Variants in GREB1L observed in about 807,000 individuals in gnomAD.
GREB1L encodes GREB1 like retinoic acid receptor coactivator, also known as GREB1-like protein.
A neutral mutation model predicts 200.8 loss-of-function variants in GREB1L; 17 were observed. That is an observed-to-expected ratio of 0.08 (90% CI 0.06 to 0.13). GREB1L has a LOEUF of 0.13. GREB1L is among the 10% of genes least tolerant of loss of function. The probability of loss-of-function intolerance (pLI) is 1.00; values close to 1 mark genes in which losing one functional copy is unlikely to be tolerated. For missense variants in GREB1L, 1,657 were observed against 2,367.7 expected (o/e 0.70, Z 6.23); for synonymous variants, 789 against 893.0 (o/e 0.88, Z 2.08).
At chr18:21,272,394 T>G (rs1414146747) in intron 1 of GREB1L, among the ~76,000 whole-genome samples, 3 of 152,202 alleles carry the variant, frequency 2.0e-5, no homozygotes, top group African/African-American at 7.2e-5. Flanking sequence ...GGGTTTGCTG[T>G]GCATCTAGCC....
chr18:21,516,778 A>G, intron 30 of GREB1L, 24 bp downstream of exon 30: 1 of 1,544,776 alleles, frequency 6.5e-7, no homozygotes, highest in Non-Finnish European at 8.8e-7. Flanking sequence ...GCTTGATTCA[A>G]GTGCTGAAAA....
At chr18:21,320,748 A>G (rs1290810102) in intron 1 of GREB1L, among the ~76,000 whole-genome samples, 3 of 151,806 alleles carry the variant, frequency 2.0e-5, no homozygotes, top group Non-Finnish European at 4.4e-5. Context: ...CCTGGGCAAC[A>G]GAACGAGACT....
intron 17 of GREB1L, among the ~76,000 whole-genome samples, chr18:21,481,439 A>ACG (rs2035911133): frequency 7.8e-6 from 1 of 127,500 alleles, no homozygotes; most frequent in Non-Finnish European, 1.7e-5. Context: ...GTATATATGT[A>ACG]TGTGTGTGTG....
At chr18:21,362,640 C>T (rs759672690) in intron 1 of GREB1L, among the ~76,000 whole-genome samples, 1 of 152,224 alleles carries the variant, frequency 6.6e-6, no homozygotes, top group Admixed American at 6.5e-5. Context: ...ATTCTAAAAA[C>T]GGGTTGTTAA....
chr18:21,479,184 G>C (rs1271422822), intron 17 of GREB1L, among the ~76,000 whole-genome samples: 1 of 151,686 alleles, frequency 6.6e-6, no homozygotes, highest in Non-Finnish European at 1.5e-5. Context: ...GCCCAGCCAA[G>C]ACTAATTAAT....
intron 31 of GREB1L, 72 bp from the exon 32 acceptor site, chr18:21,520,616 G>A (rs2037575133): frequency 6.8e-7 from 1 of 1,471,906 alleles, no homozygotes; most frequent in Admixed American, 2.0e-5. Context: ...AAGGTACTGA[G>A]TCATTCTGCT....
intron 2 of GREB1L, among the ~76,000 whole-genome samples, chr18:21,372,711 C>G (rs2039926356): frequency 6.6e-6 from 1 of 151,924 alleles, no homozygotes; most frequent in South Asian, 2.1e-4. Flanking sequence ...CACCTGAGGT[C>G]AGGAATTCAA....
At chr18:21,461,893 C>T (rs931844728) in intron 15 of GREB1L, among the ~76,000 whole-genome samples, 1 of 152,132 alleles carries the variant, frequency 6.6e-6, no homozygotes, top group Non-Finnish European at 1.5e-5. Context: ...CTGGTAAAAA[C>T]AAATTTAGTC....
At chr18:21,451,547 G>A (rs184266962) in intron 13 of GREB1L, among the ~76,000 whole-genome samples, 64 of 131,846 alleles carry the variant, frequency 4.9e-4, no homozygotes, top group African/African-American at 1.8e-3. Context: ...GAGTGCAGTA[G>A]CGTGATTATA....
At position 21,276,330 on chromosome 18, in the gene GREB1L, T is replaced by C. The variant is rs567708182; in HGVS notation, c.-120+33937T>C. 9.2e-5 allele frequency among the ~76,000 whole-genome samples: 14 copies of C among 152,326 alleles called. No homozygotes were observed. The South Asian group carries it at 2.9e-3, about 32-fold the overall frequency. On this transcript the variant is annotated intron_variant, in intron 1 of 32. Transcript: ENST00000424526. ...TCCAACCATTTATTCTTCTTTGCTC[T>C]TGCACTCAGGTTGTTGAGTTTTATT...
intron 17 of GREB1L, among the ~76,000 whole-genome samples, chr18:21,481,736 T>C (rs1463800459): frequency 1.3e-5 from 2 of 152,138 alleles, no homozygotes. Flanking sequence ...AATGGAAACA[T>C]GGAGTATGTA....
chr18:21,425,660 A>G (rs2032507853), intron 7 of GREB1L, among the ~76,000 whole-genome samples: 1 of 152,200 alleles, frequency 6.6e-6, no homozygotes, highest in Non-Finnish European at 1.5e-5. Context: ...GCATCTTGTC[A>G]TGTGCTTATT....
At chr18:21,472,754 G>T (rs2035532816) in intron 15 of GREB1L, among the ~76,000 whole-genome samples, 1 of 152,148 alleles carries the variant, frequency 6.6e-6, no homozygotes. Flanking sequence ...TGAAGCAAAG[G>T]TCTCATACAC....
chr18:21,284,163 TA>T (rs943007120), intron 1 of GREB1L, among the ~76,000 whole-genome samples: 157 of 151,074 alleles, frequency 1.0e-3, no homozygotes, highest in African/African-American at 3.7e-3. Flanking sequence ...TCTGTTAAAA[TA>T]AAAAAAAAGC....
chr18:21,489,671 A>C (rs2036254859), intron 18 of GREB1L, among the ~76,000 whole-genome samples: 1 of 152,034 alleles, frequency 6.6e-6, no homozygotes, highest in African/African-American at 2.4e-5. Flanking sequence ...TCAGATTCTG[A>C]TTAGTAGGTC....
chr18:21,457,657 T>C (rs573294395), intron 15 of GREB1L, among the ~76,000 whole-genome samples: 1 of 152,312 alleles, frequency 6.6e-6, no homozygotes, highest in South Asian at 2.1e-4. Flanking sequence ...TTAATGAATG[T>C]ATAGTCACAT....
At chr18:21,329,970 G>GC (rs2039083452) in intron 1 of GREB1L, among the ~76,000 whole-genome samples, 1 of 25,708 alleles carries the variant, frequency 3.9e-5, no homozygotes, top group South Asian at 1.4e-3. Context: ...TTTTTTTTTT[G>GC]GGGGGGGGGG....
chr18:21,436,201 G>T (rs2145178494), intron 7 of GREB1L, among the ~76,000 whole-genome samples: 1 of 152,260 alleles, frequency 6.6e-6, no homozygotes, highest in South Asian at 2.1e-4. Context: ...CATCCATGTG[G>T]AGCTGTTCAA....
chr18:21,451,438 C>G (rs529592425), intron 13 of GREB1L: 23 of 230,592 alleles, frequency 1.0e-4, no homozygotes, highest in South Asian at 3.8e-4. Flanking sequence ...TCGTTCGTTC[C>G]TTCCTTCCTC....
Sources: allele counts gnomAD v4.1 joint callset (sites outside exome capture counted in the v4.1 genomes callset), GRCh38; gene constraint gnomAD v4.1.1; transcripts MANE v1.5; gene names NCBI Gene and HGNC (gene_info 2026-07-23, HGNC 2026-07-21).